CAMK1D: variants seen among roughly 807,000 people sequenced by gnomAD.
The protein encoded by CAMK1D is calcium/calmodulin-dependent protein kinase type 1D.
CAMK1D carries 9 observed loss-of-function variants against 47.7 expected under a neutral mutation model. The observed-to-expected ratio is 0.19, with a 90% CI of 0.11 to 0.33. CAMK1D has a LOEUF of 0.33. CAMK1D is among the 10% of genes least tolerant of loss of function. The pLI is 1.00. For synonymous variants in CAMK1D, 184 were observed against 184.9 expected (o/e 0.99, Z 0.04); for missense variants, 291 against 488.7 (o/e 0.60, Z 3.81).
intron 1 of CAMK1D, among the ~76,000 whole-genome samples, chr10:12,395,816 A>G (rs1838925588): frequency 6.6e-6 from 1 of 151,816 alleles, no homozygotes; most frequent in African/African-American, 2.4e-5. Context: ...AGTTCCAGCT[A>G]CTTAGGAGGC....
chr10:12,376,024 G>A (rs934234057), intron 1 of CAMK1D, among the ~76,000 whole-genome samples: 7 of 151,806 alleles, frequency 4.6e-5, no homozygotes, highest in African/African-American at 1.7e-4. Context: ...TCAGCCAGGT[G>A]TGGTGGTGTG....
intron 1 of CAMK1D, among the ~76,000 whole-genome samples, chr10:12,493,469 C>T (rs1834448918): frequency 6.6e-6 from 1 of 152,132 alleles, no homozygotes; most frequent in Non-Finnish European, 1.5e-5. Context: ...TGTATACACT[C>T]ATGCCTGCAA....
At chr10:12,764,049 G>A (rs1329265320) in intron 4 of CAMK1D, among the ~76,000 whole-genome samples, 1 of 152,088 alleles carries the variant, frequency 6.6e-6, no homozygotes, top group East Asian at 1.9e-4. Context: ...CCTCCCCCAG[G>A]AAAAGCCCTG....
intron 2 of CAMK1D, among the ~76,000 whole-genome samples, chr10:12,635,788 A>AC (rs1444242985): frequency 3.4e-5 from 3 of 86,988 alleles, no homozygotes; most frequent in Middle Eastern, 6.7e-3. Flanking sequence ...CTTCCCTTCT[A>AC]AAAAAAATGT....
chr10:12,667,064 T>A, intron 3 of CAMK1D: 1 of 401,616 alleles, frequency 2.5e-6, no homozygotes. Flanking sequence ...GAATGTGACC[T>A]TCCTGTTGCA....
chr10:12,649,090 C>A (rs1839889614), intron 2 of CAMK1D, among the ~76,000 whole-genome samples: 1 of 152,136 alleles, frequency 6.6e-6, no homozygotes, highest in Non-Finnish European at 1.5e-5. Context: ...CTGGTCTTGA[C>A]CTCCTGGCTT....
chr10:12,621,843 C>G (rs1237386100), intron 2 of CAMK1D, among the ~76,000 whole-genome samples: 1 of 151,858 alleles, frequency 6.6e-6, no homozygotes, highest in Non-Finnish European at 1.5e-5. Flanking sequence ...CTTGTATTAT[C>G]TTGTGAAACC....
chr10:12,476,943 A>G (rs944246380), intron 1 of CAMK1D, among the ~76,000 whole-genome samples: 7 of 152,278 alleles, frequency 4.6e-5, no homozygotes, highest in African/African-American at 1.7e-4. Flanking sequence ...GGGAAAGACA[A>G]TGAGTTTACT....
At chr10:12,827,658 CTCTCTCCCT>C (rs1833305765) in intron 10 of CAMK1D, among the ~76,000 whole-genome samples, 1 of 143,106 alleles carries the variant, frequency 7.0e-6, no homozygotes, top group African/African-American at 2.6e-5. Context: ...CTCCTCTCTC[CTCTCTCCCT>C]TCTCCCCTCT....
At chr10:12,501,180 T>A (rs142497076) in intron 1 of CAMK1D, among the ~76,000 whole-genome samples, 7 of 152,266 alleles carry the variant, frequency 4.6e-5, no homozygotes, top group Non-Finnish European at 1.0e-4. Context: ...CCTAAGTGGG[T>A]TGTAGCAATT....
At chr10:12,544,799 TA>T (rs1836308236) in intron 1 of CAMK1D, among the ~76,000 whole-genome samples, 3 of 151,402 alleles carry the variant, frequency 2.0e-5, no homozygotes, top group Admixed American at 1.3e-4. Flanking sequence ...GTTGAGTGGA[TA>T]GTACTAGTGT....
intron 2 of CAMK1D, among the ~76,000 whole-genome samples, chr10:12,629,074 G>A (rs1401202172): frequency 1.3e-5 from 2 of 152,224 alleles, no homozygotes; most frequent in Admixed American, 6.5e-5. Flanking sequence ...AAATGTCTGT[G>A]TGTATTTGTT....
chr10:12,495,450 C>T (rs2132128628), intron 1 of CAMK1D, among the ~76,000 whole-genome samples: 1 of 152,290 alleles, frequency 6.6e-6, no homozygotes, highest in South Asian at 2.1e-4. Context: ...TGATCTAAGA[C>T]ACTTCTGTTT....
At chr10:12,568,971 GT>G (rs914262958) in intron 2 of CAMK1D, among the ~76,000 whole-genome samples, 7 of 151,704 alleles carry the variant, frequency 4.6e-5, no homozygotes, top group East Asian at 1.9e-4. Flanking sequence ...GAGTGGGAAA[GT>G]TTTTTTTTCT....
At chr10:12,591,724 C>T (rs1352900403) in intron 2 of CAMK1D, among the ~76,000 whole-genome samples, 6 of 152,204 alleles carry the variant, frequency 3.9e-5, no homozygotes, top group Non-Finnish European at 2.9e-5. Flanking sequence ...GACGGAGTCT[C>T]GCCCTGTCCC....
At chr10:12,640,444 TG>T (rs1461983986) in intron 2 of CAMK1D, among the ~76,000 whole-genome samples, 1 of 152,164 alleles carries the variant, frequency 6.6e-6, no homozygotes, top group African/African-American at 2.4e-5. Flanking sequence ...GCTAGCACGG[TG>T]CTTTCAACAC....
At chr10:12,680,025 C>T (rs1470623782) in intron 3 of CAMK1D, among the ~76,000 whole-genome samples, 1 of 152,180 alleles carries the variant, frequency 6.6e-6, no homozygotes, top group East Asian at 1.9e-4. Flanking sequence ...TTTTCTCTTT[C>T]CTAAAATTCT....
chr10:12,796,791 TG>T, intron 6 of CAMK1D, among the ~76,000 whole-genome samples: 1 of 152,182 alleles, frequency 6.6e-6, no homozygotes. Flanking sequence ...TGTGGGCCCA[TG>T]GTCTGGATTT....
At chr10:12,749,590 G>A (rs1325432562) in intron 3 of CAMK1D, among the ~76,000 whole-genome samples, 18 of 130,340 alleles carry the variant, frequency 1.4e-4, no homozygotes, top group Non-Finnish European at 2.6e-4. Context: ...ATGAAGTCTC[G>A]CTCTGTCACC....
Sources: allele counts gnomAD v4.1 joint callset (sites outside exome capture counted in the v4.1 genomes callset), GRCh38; gene constraint gnomAD v4.1.1; transcripts MANE v1.5; gene names NCBI Gene and HGNC (gene_info 2026-07-23, HGNC 2026-07-21).